Variants in TCEA1 observed in about 807,000 individuals in gnomAD.
The protein encoded by TCEA1 is transcription elongation factor A1.
TCEA1 carries 21 observed loss-of-function variants against 43.8 expected under a neutral mutation model. The observed-to-expected ratio is 0.48, with a 90% CI of 0.34 to 0.69. The LOEUF is 0.69. Ranked by LOEUF, TCEA1 falls within the 30% of genes least tolerant of loss-of-function variation. The pLI is 0.01. For synonymous variants in TCEA1, 104 were observed against 117.5 expected, an observed-to-expected ratio of 0.88 and a Z score of 0.75; for missense variants, 250 against 365.1, an observed-to-expected ratio of 0.68 and a Z score of 2.57.
rs145499343 is a variant in TCEA1 at position 54,012,736 on chromosome 8, T to C, written c.64-2244A>G. On this transcript the variant is annotated intron_variant, in intron 1 of 9. Coordinates refer to ENST00000521604, the MANE Select transcript of TCEA1 (RefSeq NM_006756.4). ...CCTAAGGGTTTTGATTAACAAACTC[T>C]AGAAGTCTGGACAACACAGCATGAC... Among the ~76,000 whole-genome samples, 559 of 152,122 alleles carry C rather than the reference T, an allele frequency of 3.7e-3. 2 individuals carry two copies. Among genetic ancestry groups the C allele is most frequent in the South Asian group, 5.6e-3 (27 of 4,822 alleles).
intron 1 of TCEA1, among the ~76,000 whole-genome samples, chr8:54,020,928 C>T (rs1050790607): frequency 6.6e-6 from 1 of 152,170 alleles, no homozygotes; most frequent in Non-Finnish European, 1.5e-5. Flanking sequence ...GGCCTCACGC[C>T]TGTAATCCCA....
chr8:54,000,189 G>C (rs1446978849), intron 2 of TCEA1, 139 bp from the exon 3 acceptor site: 2 of 571,020 alleles, frequency 3.5e-6, no homozygotes, highest in Non-Finnish European at 6.2e-6. Flanking sequence ...CCTTATAATA[G>C]CAAATTATAT....
At chr8:53,991,903 A>C (rs1044070544) in intron 4 of TCEA1, among the ~76,000 whole-genome samples, 6 of 151,704 alleles carry the variant, frequency 4.0e-5, no homozygotes, top group Admixed American at 2.6e-4. Flanking sequence ...GTTAATACAA[A>C]TACAAAAAAA....
At chr8:54,005,279 C>T (rs988280303) in intron 2 of TCEA1, among the ~76,000 whole-genome samples, 1 of 152,096 alleles carries the variant, frequency 6.6e-6, no homozygotes, top group East Asian at 1.9e-4. Flanking sequence ...TTTAGAATTC[C>T]GTTCCTTAGT....
chr8:53,979,232 T>C, intron 7 of TCEA1, 61 bp from the exon 8 acceptor site: 1 of 1,452,952 alleles, frequency 6.9e-7, no homozygotes, highest in Non-Finnish European at 9.2e-7. Context: ...TCCTGAATGC[T>C]TTTATGCTCA....
intron 4 of TCEA1, among the ~76,000 whole-genome samples, chr8:53,992,920 A>T (rs1047078596): frequency 1.3e-5 from 2 of 151,826 alleles, no homozygotes; most frequent in African/African-American, 4.8e-5. Flanking sequence ...CTCTTTGTTA[A>T]TGAACTTCAC....
At chr8:53,996,722 CTA>C (rs976673427) in intron 3 of TCEA1, among the ~76,000 whole-genome samples, 8 of 142,396 alleles carry the variant, frequency 5.6e-5, no homozygotes, top group African/African-American at 1.5e-4. Context: ...GAAAAACAAA[CTA>C]TTTTCATTAA....
intron 8 of TCEA1, chr8:53,973,671 A>T (rs575313539): frequency 1.8e-6 from 1 of 558,164 alleles, no homozygotes; most frequent in Admixed American, 2.4e-5. Context: ...GAAAAAGAAG[A>T]AAAAGCAGCT....
intron 2 of TCEA1, chr8:54,002,772 C>A: frequency 5.0e-6 from 2 of 399,252 alleles, no homozygotes; most frequent in Admixed American, 3.0e-5. Context: ...GTTTTCTTGA[C>A]TGCAGGACTA....
At chr8:53,974,758 G>A (rs1282467290) in intron 8 of TCEA1, among the ~76,000 whole-genome samples, 2 of 152,234 alleles carry the variant, frequency 1.3e-5, no homozygotes, top group South Asian at 4.1e-4. Flanking sequence ...TCAAGCTCCT[G>A]ACCTCAGGTG....
intron 4 of TCEA1, among the ~76,000 whole-genome samples, chr8:53,989,022 T>C (rs946120214): frequency 6.6e-6 from 1 of 150,482 alleles, no homozygotes; most frequent in African/African-American, 2.5e-5. Context: ...GAGCCAAGAC[T>C]GCACCACTGC....
intron 7 of TCEA1, among the ~76,000 whole-genome samples, chr8:53,983,859 G>A (rs1029026368): frequency 6.6e-6 from 1 of 152,228 alleles, no homozygotes; most frequent in African/African-American, 2.4e-5. Flanking sequence ...AACACTTTGG[G>A]AGGCCAAGGC....
chr8:54,006,395 C>T (rs1411189100), intron 2 of TCEA1, among the ~76,000 whole-genome samples: 1 of 152,126 alleles, frequency 6.6e-6, no homozygotes, highest in African/African-American at 2.4e-5. Context: ...AGGAGAATCG[C>T]TTGAACCCGG....
At chr8:53,989,958 G>A (rs1025599233) in intron 4 of TCEA1, among the ~76,000 whole-genome samples, 1 of 151,878 alleles carries the variant, frequency 6.6e-6, no homozygotes, top group African/African-American at 2.4e-5. Flanking sequence ...TTTTTTGGCC[G>A]GGCAAGCTGG....
At chr8:54,003,304 A>T (rs551163069) in intron 2 of TCEA1, among the ~76,000 whole-genome samples, 1 of 152,350 alleles carries the variant, frequency 6.6e-6, no homozygotes, top group African/African-American at 2.4e-5. Context: ...AAGTCGAACT[A>T]CTGACTCAAT....
intron 1 of TCEA1, among the ~76,000 whole-genome samples, chr8:54,020,276 A>G (rs762448154): frequency 2.0e-5 from 3 of 152,218 alleles, no homozygotes; most frequent in Non-Finnish European, 4.4e-5. Flanking sequence ...CAGTTTAAAC[A>G]AAATAACGAA....
At chr8:54,008,470 C>A (rs1382896412) in intron 2 of TCEA1, among the ~76,000 whole-genome samples, 1 of 151,850 alleles carries the variant, frequency 6.6e-6, no homozygotes, top group Non-Finnish European at 1.5e-5. Context: ...AAAGGGAGAA[C>A]CCCGTCTCTA....
chr8:53,998,994 C>T (rs571241866), intron 3 of TCEA1, among the ~76,000 whole-genome samples: 142 of 152,058 alleles, frequency 9.3e-4, no homozygotes, highest in African/African-American at 3.4e-3. Flanking sequence ...TTTGGGAGGC[C>T]AAGGCGGGCA....
chr8:54,007,025 T>C (rs911767072), intron 2 of TCEA1, among the ~76,000 whole-genome samples: 1 of 152,134 alleles, frequency 6.6e-6, no homozygotes, highest in Non-Finnish European at 1.5e-5. Flanking sequence ...GTATTTTTAA[T>C]AGAGACGGGG....
Sources: allele counts gnomAD v4.1 joint callset (sites outside exome capture counted in the v4.1 genomes callset), GRCh38; gene constraint gnomAD v4.1.1; transcripts MANE v1.5; gene names NCBI Gene and HGNC (gene_info 2026-07-23, HGNC 2026-07-21).